The following GPHN variants were observed in gnomAD, a reference collection of about 807,000 sequenced individuals.
The protein encoded by GPHN is gephyrin.
A neutral mutation model predicts 95.5 loss-of-function variants in GPHN; 17 were observed. The ratio of observed to expected loss-of-function variants is 0.18; its 90% CI spans 0.12 to 0.27. GPHN has a LOEUF of 0.27. Ranked by LOEUF, GPHN falls within the 10% of genes least tolerant of loss-of-function variation. The probability of loss-of-function intolerance (pLI) is 1.00; values close to 1 mark genes in which losing one functional copy is unlikely to be tolerated. For missense variants in GPHN, 660 were observed against 978.1 expected (o/e 0.67, Z 4.34); for synonymous variants, 320 against 322.5 (o/e 0.99, Z 0.08).
the GPHN span, among the ~76,000 whole-genome samples, chr14:67,406,302 C>T: frequency 6.6e-6 from 1 of 150,474 alleles, no homozygotes; most frequent in African/African-American, 2.5e-5. Context: ...ATTTGTTATA[C>T]AACAATCAAT....
At chr14:66,846,254 T>C (rs2062333527) in intron 4 of GPHN, among the ~76,000 whole-genome samples, 1 of 152,142 alleles carries the variant, frequency 6.6e-6, no homozygotes, top group Admixed American at 6.6e-5. Context: ...TTCTCAATTC[T>C]CCTAAGGGTG....
At chr14:67,159,136 T>C (rs1027317573) in intron 18 of GPHN, among the ~76,000 whole-genome samples, 3 of 152,186 alleles carry the variant, frequency 2.0e-5, no homozygotes, top group Non-Finnish European at 2.9e-5. Context: ...AGAATGTACT[T>C]TCTGTGAGGA....
the GPHN span, chr14:67,388,355 A>G: frequency 9.4e-7 from 1 of 1,063,030 alleles, no homozygotes; most frequent in African/African-American, 1.5e-5. Context: ...AAAAGGGAAG[A>G]GTTGCACTCC....
chr14:66,901,967 A>G (rs1219349482), intron 5 of GPHN, among the ~76,000 whole-genome samples: 2 of 152,074 alleles, frequency 1.3e-5, no homozygotes, highest in African/African-American at 4.8e-5. Context: ...TACATTGGGT[A>G]CTATGGTCAT....
chr14:66,516,166 C>T (rs866371175), intron 1 of GPHN, among the ~76,000 whole-genome samples: 76 of 149,952 alleles, frequency 5.1e-4, no homozygotes, highest in Admixed American at 1.5e-3. Flanking sequence ...GCCACCATGC[C>T]TGGCTAATTT....
At chr14:67,050,539 C>T (rs1476517498) in intron 10 of GPHN, among the ~76,000 whole-genome samples, 2 of 152,020 alleles carry the variant, frequency 1.3e-5, no homozygotes, top group Non-Finnish European at 2.9e-5. Context: ...ATTTAAATAT[C>T]TATAGCATAA....
At chr14:67,573,455 G>C in the GPHN span, 1 of 1,029,490 alleles carries the variant, frequency 9.7e-7, no homozygotes, top group Non-Finnish European at 1.5e-6. This position sits in a 1 kb window ranked among gnomAD's most constrained non-coding sequence, Gnocchi z 4.8. Flanking sequence ...ATGTCAGATG[G>C]GACGGAGGAG....
the GPHN span, chr14:67,200,375 T>A: frequency 1.6e-6 from 1 of 608,534 alleles, no homozygotes; most frequent in South Asian, 2.0e-5. Context: ...ATCTTTTCGA[T>A]ACCTTGGACC....
the GPHN span, among the ~76,000 whole-genome samples, chr14:67,550,442 G>T: frequency 1.3e-5 from 2 of 152,204 alleles, no homozygotes; most frequent in Non-Finnish European, 2.9e-5. Context: ...ATCCGCCTCG[G>T]CCTCCCAAAG....
the GPHN span, among the ~76,000 whole-genome samples, chr14:67,730,004 C>T: frequency 0.043 from 6,562 of 152,168 alleles, 262 homozygotes; most frequent in East Asian, 0.14. Context: ...GTATTTATTC[C>T]GTGAAGCACT....
chr14:67,099,958 G>A (rs1486737638), intron 12 of GPHN, among the ~76,000 whole-genome samples: 4 of 151,712 alleles, frequency 2.6e-5, no homozygotes, highest in Admixed American at 6.6e-5. Context: ...TTGCCCAGTC[G>A]TATTGGTCTG....
the GPHN span, among the ~76,000 whole-genome samples, chr14:67,342,061 G>A: frequency 6.6e-6 from 1 of 151,920 alleles, no homozygotes; most frequent in Non-Finnish European, 1.5e-5. Flanking sequence ...AGTCTGCAGG[G>A]TCCTCTGCCT....
chr14:66,541,451 A>T (rs1490859654), intron 1 of GPHN, among the ~76,000 whole-genome samples: 1 of 152,242 alleles, frequency 6.6e-6, no homozygotes, highest in Non-Finnish European at 1.5e-5. Context: ...TATATTTCAC[A>T]ATAGAGGTTC....
chr14:67,672,123 A>ATTTTTT, the GPHN span, among the ~76,000 whole-genome samples: 17 of 143,524 alleles, frequency 1.2e-4, no homozygotes, highest in Admixed American at 2.1e-4. Flanking sequence ...TGCAGTCTAC[A>ATTTTTT]TTTTTTTTTT....
intron 1 of GPHN, among the ~76,000 whole-genome samples, chr14:66,593,038 TAACACAGA>T (rs1444247564): frequency 6.6e-6 from 1 of 152,046 alleles, no homozygotes; most frequent in Non-Finnish European, 1.5e-5. Flanking sequence ...CTCAGATAAC[TAACACAGA>T]AAGAGAAAAC....
chr14:66,835,429 A>G (rs1297355841), intron 4 of GPHN, among the ~76,000 whole-genome samples: 1 of 152,064 alleles, frequency 6.6e-6, no homozygotes, highest in Non-Finnish European at 1.5e-5. Context: ...TGCTTTGAAT[A>G]TTGATGGGAC....
At chr14:66,935,437 T>TTA (rs761618691) in intron 8 of GPHN, among the ~76,000 whole-genome samples, 20 of 150,624 alleles carry the variant, frequency 1.3e-4, no homozygotes, top group African/African-American at 3.2e-4. Context: ...TGTATATATA[T>TTA]TATATATATA....
At chr14:67,371,231 T>C in the GPHN span, among the ~76,000 whole-genome samples, 4 of 151,810 alleles carry the variant, frequency 2.6e-5, no homozygotes, top group Non-Finnish European at 5.9e-5. Flanking sequence ...CCTGGCAATA[T>C]AGGGAGACCC....
chr14:67,263,242 A>G, the GPHN span, among the ~76,000 whole-genome samples: 1 of 152,202 alleles, frequency 6.6e-6, no homozygotes, highest in Non-Finnish European at 1.5e-5. Context: ...TGTCTAATTG[A>G]AAAGAATCAT....
Sources: allele counts gnomAD v4.1 joint callset (sites outside exome capture counted in the v4.1 genomes callset), GRCh38; gene constraint gnomAD v4.1.1; non-coding constraint Gnocchi (gnomAD v3.1); transcripts MANE v1.5; gene names NCBI Gene and HGNC (gene_info 2026-07-23, HGNC 2026-07-21).